SRPK2: variants seen among roughly 807,000 people sequenced by gnomAD.
SRPK2 encodes SRSF protein kinase 2.
SRPK2 carries 21 observed loss-of-function variants against 90.8 expected under a neutral mutation model. The observed-to-expected ratio is 0.23, with a 90% CI of 0.16 to 0.33. The LOEUF is 0.33. Among genes scored for constraint, SRPK2 ranks in the 10% least tolerant of loss-of-function variants. The pLI is 1.00. For missense variants in SRPK2, 620 were observed against 869.0 expected (o/e 0.71, Z 3.60); for synonymous variants, 288 against 311.1 (o/e 0.93, Z 0.78).
chr7:105,118,110 G>T (rs139140254), intron 15 of SRPK2, 88 bp from the exon 16 acceptor site: 1 of 1,388,172 alleles, frequency 7.2e-7, no homozygotes, highest in South Asian at 1.3e-5. Context: ...TCAGTGAAGC[G>T]GACAACCACC....
At chr7:105,192,084 G>A (rs1194620807) in intron 3 of SRPK2, among the ~76,000 whole-genome samples, 1 of 151,222 alleles carries the variant, frequency 6.6e-6, no homozygotes, top group Non-Finnish European at 1.5e-5. Context: ...ATAAGTTTTG[G>A]GGGAACAGGT....
At chr7:105,227,639 C>T (rs1299634310) in intron 2 of SRPK2, among the ~76,000 whole-genome samples, 1 of 152,100 alleles carries the variant, frequency 6.6e-6, no homozygotes, top group Non-Finnish European at 1.5e-5. Flanking sequence ...GAATGTAAAA[C>T]GACTCTGCTG....
chr7:105,251,320 G>A lies in SRPK2; in HGVS notation c.72-47535C>T, dbSNP rs189907274. ...GAAGTCTTTCATTTATTCAAACACA[G>A]ACTGTCAAATTATAACTGATGAATA... On this transcript the variant is annotated intron_variant, in intron 2 of 15. Transcript: ENST00000393651. Among the ~76,000 whole-genome samples the A allele has an allele frequency of 8.5e-5, 13 of 152,282 alleles. No individual in the cohort carries two copies. The East Asian group carries it at 2.5e-3, about 29-fold the overall frequency.
intron 15 of SRPK2, among the ~76,000 whole-genome samples, chr7:105,123,706 C>G (rs1443350473): frequency 6.6e-6 from 1 of 152,130 alleles, no homozygotes; most frequent in Non-Finnish European, 1.5e-5. Context: ...GGCCCTCATT[C>G]CTCATAATGT....
intron 2 of SRPK2, among the ~76,000 whole-genome samples, chr7:105,321,815 A>G (rs934339374): frequency 4.6e-5 from 7 of 152,200 alleles, no homozygotes; most frequent in Non-Finnish European, 8.8e-5. Flanking sequence ...ACTGGAAAAT[A>G]TGTGGAGAAA....
chr7:105,252,108 T>C (rs957579471), intron 2 of SRPK2, among the ~76,000 whole-genome samples: 3 of 152,230 alleles, frequency 2.0e-5, no homozygotes, highest in African/African-American at 7.2e-5. Context: ...TGATGGCAGA[T>C]AACTGAATAT....
At chr7:105,389,625 C>T (rs1822089168), upstream of SRPK2, among the ~76,000 whole-genome samples, 1 of 152,198 alleles carries the variant, frequency 6.6e-6, no homozygotes, top group Admixed American at 6.5e-5. Context: ...AACAATCACA[C>T]CAAGTAGTTA....
intron 2 of SRPK2, among the ~76,000 whole-genome samples, chr7:105,355,065 G>C (rs530380333): frequency 6.6e-6 from 1 of 152,292 alleles, no homozygotes; most frequent in Admixed American, 6.5e-5. Context: ...GTTGTAGCAT[G>C]TAACAGTACT....
rs1388793685 is a variant in SRPK2 at position 105,118,014 on chromosome 7, G to A, written c.1924C>T (p.Arg642Ter). 6.2e-7 allele frequency: 1 copy of A among 1,613,800 alleles called. No homozygotes were observed. The highest frequency in any genetic ancestry group is 8.5e-7 in the Non-Finnish European group (1 of 1,179,794). ...REFFNRRGEL[R>*]HITKLKPWSL... Reference sequence around the variant, plus strand: ...CAGGGCTTCAGCTTGGTGATGTGTCGCAGTTCTCCTACAGGGGAAAAAACA... The same window carrying A: ...CAGGGCTTCAGCTTGGTGATGTGTCACAGTTCTCCTACAGGGGAAAAAACA... The change falls in exon 16 of 16, where the codon CGA becomes TGA. Residue 642 changes from arginine to a stop codon, truncating the protein, a stop_gained. Coordinates refer to ENST00000393651, the MANE Select transcript of SRPK2 (RefSeq NM_182692.3). LOFTEE classifies it high-confidence loss of function.
intron 11 of SRPK2, among the ~76,000 whole-genome samples, chr7:105,141,073 T>C (rs1377713115): frequency 6.6e-6 from 1 of 152,138 alleles, no homozygotes; most frequent in Non-Finnish European, 1.5e-5. Context: ...ACCTACATTC[T>C]ATGTAAGCAC....
At chr7:105,240,995 G>A (rs1223437365) in intron 2 of SRPK2, among the ~76,000 whole-genome samples, 4 of 152,044 alleles carry the variant, frequency 2.6e-5, no homozygotes, top group Non-Finnish European at 5.9e-5. Flanking sequence ...AAAATTGGAG[G>A]GAAGGGATTG....
At chr7:105,188,510 T>C (rs1793876754) in intron 3 of SRPK2, among the ~76,000 whole-genome samples, 2 of 152,184 alleles carry the variant, frequency 1.3e-5, no homozygotes, top group African/African-American at 4.8e-5. Context: ...TTTTTTAAAA[T>C]GTATGAGGGA....
chr7:105,155,095 C>T (rs938037228), intron 7 of SRPK2, among the ~76,000 whole-genome samples: 11 of 152,280 alleles, frequency 7.2e-5, no homozygotes, highest in Non-Finnish European at 1.3e-4. Context: ...ATTCTCTTGC[C>T]GCAGCCTCCC....
At chr7:105,191,782 T>C (rs920350319) in intron 3 of SRPK2, among the ~76,000 whole-genome samples, 2 of 151,744 alleles carry the variant, frequency 1.3e-5, no homozygotes, top group Non-Finnish European at 2.9e-5. Flanking sequence ...TTAATGTCAA[T>C]CAACTAAGAT....
At position 105,323,967 on chromosome 7, in the gene SRPK2, T is replaced by TTGTGTGTGTGTGTGTG. The variant is rs58288208; in HGVS notation, c.71+64665_71+64680dup. On this transcript the variant is annotated intron_variant, in intron 2 of 15. Coordinates refer to ENST00000393651, the MANE Select transcript of SRPK2 (RefSeq NM_182692.3). ...AAAAAGACTTTGGTCAGACTATTCT[T>TTGTGTGTGTGTGTGTG]TGTGTGTGTGTGTGTGTGTGTGTGT... Among the ~76,000 whole-genome samples, 65 of 133,894 alleles carry TTGTGTGTGTGTGTGTG rather than the reference T, an allele frequency of 4.9e-4. 1 individual carries two copies. The highest frequency in any genetic ancestry group is 1.0e-3 in the South Asian group (4 of 3,848). The allele number at this position is 133,894 out of a possible 152,430, so 87.8% of individuals were successfully genotyped here.
chr7:105,278,361 A>T (rs779606192), intron 2 of SRPK2, among the ~76,000 whole-genome samples: 12 of 151,206 alleles, frequency 7.9e-5, no homozygotes, highest in Non-Finnish European at 1.3e-4. Context: ...GAGAATACAT[A>T]ACAAAGCCCT....
At chr7:105,359,647 C>G (rs1259101194) in intron 2 of SRPK2, among the ~76,000 whole-genome samples, 1 of 152,176 alleles carries the variant, frequency 6.6e-6, no homozygotes, top group Non-Finnish European at 1.5e-5. Context: ...TGGAAGCACT[C>G]ATTTCCATCA....
intron 2 of SRPK2, among the ~76,000 whole-genome samples, chr7:105,310,352 T>G (rs1375169779): frequency 6.6e-6 from 1 of 152,202 alleles, no homozygotes; most frequent in Non-Finnish European, 1.5e-5. Flanking sequence ...AATATTTTAG[T>G]AAAATGTTCT....
intron 2 of SRPK2, chr7:105,306,347 G>C (rs1349805361): frequency 2.8e-6 from 1 of 358,248 alleles, no homozygotes; most frequent in Non-Finnish European, 5.3e-6. Context: ...CATAGTTTCA[G>C]AATATTAACA....
Sources: gnomAD v4.1 joint callset for allele counts (sites outside exome capture counted in the v4.1 genomes callset) on GRCh38, gnomAD v4.1.1 for gene constraint, MANE v1.5 for transcripts, NCBI Gene and HGNC (gene_info 2026-07-23, HGNC 2026-07-21) for gene names.